The following CD247 variants were observed in gnomAD, a reference collection of about 807,000 sequenced individuals.
The protein encoded by CD247 is CD247 molecule.
Under a neutral mutation model 30.0 loss-of-function variants are expected in CD247, and 13 were observed. The ratio of observed to expected loss-of-function variants is 0.43; its 90% CI spans 0.28 to 0.69. The LOEUF (loss-of-function observed/expected upper bound fraction) is 0.69, where lower values mean the gene tolerates loss of function less well. Among genes scored for constraint, CD247 ranks in the 30% least tolerant of loss-of-function variants. CD247 has a pLI of 0.16. For missense variants in CD247, 193 were observed against 212.6 expected, an observed-to-expected ratio of 0.91 and a Z score of 0.57; for synonymous variants, 72 against 80.0, an observed-to-expected ratio of 0.90 and a Z score of 0.53.
intron 1 of CD247, among the ~76,000 whole-genome samples, chr1:167,472,889 C>A (rs1346681547): frequency 1.3e-5 from 2 of 152,088 alleles, no homozygotes; most frequent in Admixed American, 6.5e-5. Context: ...AGAGAGGATT[C>A]TTTGTGTGTC....
intron 1 of CD247, among the ~76,000 whole-genome samples, chr1:167,501,800 C>T (rs1034664335): frequency 3.3e-5 from 5 of 152,230 alleles, no homozygotes; most frequent in Admixed American, 6.5e-5. Context: ...TGCCTCTCCT[C>T]TTCTCAGGGT....
chr1:167,458,534 C>T (rs1652822022), intron 1 of CD247: 1 of 152,210 alleles, frequency 6.6e-6, no homozygotes. Flanking sequence ...ACCCTGTGTT[C>T]GACTCATCTT....
rs140076831 is a variant in CD247 at position 167,467,049 on chromosome 1, A to G, written c.59-26282T>C. ...AGAGACGGGATTTCACGTGTTAGCC[A>G]GGATGGTCTCGATTTCCTGACCTCG... is the stretch of plus-strand genomic sequence containing the variant. On this transcript the variant is annotated intron_variant, in intron 1 of 7. Transcript: ENST00000362089. 6.0e-3 allele frequency among the ~76,000 whole-genome samples: 909 copies of G among 152,242 alleles called. 3 individuals are homozygous for G. Among genetic ancestry groups the G allele is most frequent in the East Asian group, 0.03 (155 of 5,174 alleles).
rs370008404 is a variant in CD247 at position 167,437,472 on chromosome 1, T to C, written c.300+1098A>G. On this transcript the variant is annotated intron_variant, in intron 4 of 7. Coordinates refer to ENST00000362089, the MANE Select transcript of CD247 (RefSeq NM_198053.3). The stretch of plus-strand genomic sequence containing the variant: ...GTTATGGAATCAACCTAAGTGTCCA[T>C]CAAAGAATGAACAGATAAAGAGACT... Among the ~76,000 whole-genome samples, 13 of 151,426 alleles carry C rather than the reference T, an allele frequency of 8.6e-5. No individual in the cohort carries two copies. In the East Asian group the frequency reaches 2.1e-3, roughly 25 times the overall value.
chr1:167,436,222 A>G (rs1312105395), intron 4 of CD247, among the ~76,000 whole-genome samples: 3 of 152,268 alleles, frequency 2.0e-5, no homozygotes, highest in Admixed American at 1.3e-4. Flanking sequence ...AATCATGATC[A>G]TCTCACTAGA....
In CD247 at chr1:167,431,020, C is replaced by T. The variant is rs549375594; in HGVS notation, c.*661G>A. 2.5e-6 allele frequency: 1 copy of T among 404,790 alleles called. No individual in the cohort carries two copies. The highest frequency in any genetic ancestry group is 2.0e-5 in the African/African-American group (1 of 48,834). The allele number at this position is 404,790 out of a possible 1,614,324, so 25.1% of individuals were successfully genotyped here. On this transcript the variant is annotated 3_prime_UTR_variant, in exon 8 of 8. Coordinates refer to ENST00000362089, the MANE Select transcript of CD247 (RefSeq NM_198053.3). ...TCTGTTCATCTTCTGGCCCCTGTAG[C>T]ACATGGTACAGTTCAATGGTGCGGC... is the stretch of plus-strand genomic sequence containing the variant.
chr1:167,491,375 C>T (rs1012999422), intron 1 of CD247, among the ~76,000 whole-genome samples: 1 of 152,078 alleles, frequency 6.6e-6, no homozygotes. Flanking sequence ...TCGAGACCAG[C>T]CTGACCAACA....
intron 1 of CD247, among the ~76,000 whole-genome samples, chr1:167,443,011 C>T (rs1378679239): frequency 6.6e-6 from 1 of 152,152 alleles, no homozygotes; most frequent in African/African-American, 2.4e-5. Context: ...TTTTCTACCC[C>T]CTGGCCTGCT....
At chr1:167,487,895 T>A (rs570907577) in intron 1 of CD247, among the ~76,000 whole-genome samples, 123 of 152,286 alleles carry the variant, frequency 8.1e-4, no homozygotes, top group African/African-American at 2.9e-3. Context: ...CACATCTGAC[T>A]AATTTATTTT....
chr1:167,431,188 T>C lies in CD247; in HGVS notation c.*493A>G. 1 of 418,690 alleles carries C rather than the reference T, an allele frequency of 2.4e-6. No homozygotes were observed. Among genetic ancestry groups the C allele is most frequent in the Non-Finnish European group, 4.2e-6 (1 of 236,784 alleles). The allele number at this position is 418,690 out of a possible 1,614,324, so 25.9% of individuals were successfully genotyped here. On this transcript the variant is annotated 3_prime_UTR_variant, in exon 8 of 8. Coordinates refer to ENST00000362089, the MANE Select transcript of CD247 (RefSeq NM_198053.3). ...TTCCATCTGCCCCTCTGCCCGGCCC[T>C]CTCACCAGGGAGGCACAACATGGCC...
intron 1 of CD247, among the ~76,000 whole-genome samples, chr1:167,503,700 T>C (rs2102103112): frequency 6.6e-6 from 1 of 152,134 alleles, no homozygotes; most frequent in East Asian, 1.9e-4. Context: ...AGGAGCCAGG[T>C]CCTTGGGACA....
At chr1:167,514,604 G>A (rs1001907448) in intron 1 of CD247, among the ~76,000 whole-genome samples, 4 of 149,368 alleles carry the variant, frequency 2.7e-5, no homozygotes, top group South Asian at 4.4e-4. Context: ...TCTAATGACC[G>A]GTTTAATTTT....
chr1:167,468,202 A>G (rs1405840855), intron 1 of CD247, among the ~76,000 whole-genome samples: 1 of 152,204 alleles, frequency 6.6e-6, no homozygotes, highest in Non-Finnish European at 1.5e-5. Flanking sequence ...TATTGCCTCC[A>G]AATTAATATA....
At chr1:167,447,447 C>G (rs1461477567) in intron 1 of CD247, among the ~76,000 whole-genome samples, 8 of 151,970 alleles carry the variant, frequency 5.3e-5, no homozygotes, top group Non-Finnish European at 1.5e-5. Flanking sequence ...TGGTGGAGAG[C>G]TCTAATTTTC....
At chr1:167,501,024 C>T (rs1029751507) in intron 1 of CD247, among the ~76,000 whole-genome samples, 2 of 151,336 alleles carry the variant, frequency 1.3e-5, no homozygotes, top group African/African-American at 4.9e-5. Context: ...ATATATGGAC[C>T]CAGCCATCCG....
At chr1:167,451,593 A>G (rs564491741) in intron 1 of CD247, among the ~76,000 whole-genome samples, 2 of 152,186 alleles carry the variant, frequency 1.3e-5, no homozygotes, top group African/African-American at 4.8e-5. Context: ...AAACCCATTC[A>G]CTCTTTTGCT....
At chr1:167,477,625 G>A (rs1264689833) in intron 1 of CD247, among the ~76,000 whole-genome samples, 2 of 152,134 alleles carry the variant, frequency 1.3e-5, no homozygotes, top group Non-Finnish European at 2.9e-5. Flanking sequence ...GACCTCCTGG[G>A]CTCAAGTGAT....
intron 1 of CD247, among the ~76,000 whole-genome samples, chr1:167,507,166 G>T (rs540843621): frequency 6.6e-6 from 1 of 151,938 alleles, no homozygotes; most frequent in South Asian, 2.1e-4. Context: ...TGATCCACCT[G>T]CCTTGGCCTC....
chr1:167,442,909 T>C (rs1250033785), intron 1 of CD247, among the ~76,000 whole-genome samples: 2 of 152,184 alleles, frequency 1.3e-5, no homozygotes, highest in Non-Finnish European at 2.9e-5. Context: ...GGCTCTGCCA[T>C]AACCAGTCCA....
Sources: gnomAD v4.1 joint callset for allele counts (sites outside exome capture counted in the v4.1 genomes callset) on GRCh38, gnomAD v4.1.1 for gene constraint, MANE v1.5 for transcripts, NCBI Gene and HGNC (gene_info 2026-07-23, HGNC 2026-07-21) for gene names.